The following ZNF26 variants were observed in gnomAD, a reference collection of about 807,000 sequenced individuals.
The protein encoded by ZNF26 is epididymis luminal protein 179.
In ZNF26, 32 loss-of-function variants were observed where a neutral mutation model predicts 54.9. The ratio of observed to expected loss-of-function variants is 0.58; its 90% CI spans 0.44 to 0.78. ZNF26 has a LOEUF of 0.78. Among genes scored for constraint, ZNF26 ranks in the 30% least tolerant of loss-of-function variants. ZNF26 has a pLI of 0.00. For synonymous variants in ZNF26, 221 were observed against 209.2 expected, an observed-to-expected ratio of 1.06 and a Z score of -0.49; for missense variants, 524 against 634.0, an observed-to-expected ratio of 0.83 and a Z score of 1.86.
chr12:133,012,999 A>G lies in ZNF26; in HGVS notation c.*1518A>G, dbSNP rs7977529. The G allele has an allele frequency of 0.93, 141,279 of 152,240 alleles. 65,801 individuals are homozygous for G. Among genetic ancestry groups the G allele is most frequent in the East Asian group, 1 (5,179 of 5,190 alleles). 9.4% of individuals were successfully genotyped at this position (152,240 alleles called of 1,614,324 possible). On this transcript the variant is annotated 3_prime_UTR_variant, in exon 4 of 4. Transcript: ENST00000328654. Reference sequence around the variant, plus strand: ...TTGTTTTTCCTGAGACAAGAAAATCACATTCTTGTTTATATTTGAAGATAG... The same window carrying G: ...TTGTTTTTCCTGAGACAAGAAAATCGCATTCTTGTTTATATTTGAAGATAG...
chr12:133,010,747 G>A lies in ZNF26; in HGVS notation c.868G>A (p.Glu290Lys), dbSNP rs1295379790. Reference protein sequence around the residue: ...HTGVKPYECSECGKAFSLKSP... With the variant: ...HTGVKPYECSKCGKAFSLKSP... ...AGGAGTGAAACCGTATGAATGCAGCGAATGTGGGAAAGCCTTTAGTTTGAA... is the reference window on the plus strand; with the variant it reads ...AGGAGTGAAACCGTATGAATGCAGCAAATGTGGGAAAGCCTTTAGTTTGAA... The change falls in exon 4 of 4, where the codon GAA becomes AAA. Residue 290 changes from glutamate to lysine, a missense_variant. Glu to Lys is a moderately conservative substitution (Grantham distance 56). Transcript: ENST00000328654. 2.2e-5 allele frequency: 35 copies of A among 1,613,542 alleles called. No individual in the cohort carries two copies. The highest frequency in any genetic ancestry group is 1.0e-4 in the Admixed American group (6 of 59,980).
At position 133,011,247 on chromosome 12, in the gene ZNF26, C is replaced by T; in HGVS notation, c.1368C>T (p.Cys456=). The T allele has an allele frequency of 1.9e-6, 3 of 1,614,016 alleles. No homozygotes were observed. Among genetic ancestry groups the T allele is most frequent in the African/African-American group, 1.3e-5 (1 of 75,016 alleles). Residue 456 remains cysteine, a synonymous_variant, in exon 4 of 4, where the codon TGC becomes TGT. Coordinates refer to ENST00000328654, the MANE Select transcript of ZNF26 (RefSeq NM_019591.4). ...ATTCAACTGAGAAGCCCTATGAATG[C>T]AATGAATGTGAAAAAGCCTACCCTA... ...RTHSTEKPYE[C]NECEKAYPRK...
rs1953669798 is a variant in ZNF26, at chr12:133,023,674, A to G, written c.*12193A>G. 1 of 152,210 alleles carries G rather than the reference A, an allele frequency of 6.6e-6. No homozygotes were observed. 9.4% of individuals were successfully genotyped at this position (152,210 alleles called of 1,614,324 possible). Reference sequence around the variant, plus strand: ...TAGCTTCCATCTCATCTCCTCTTCTACAGTGTGATCTTGCCACTCCTCCCA... The same window carrying G: ...TAGCTTCCATCTCATCTCCTCTTCTGCAGTGTGATCTTGCCACTCCTCCCA... On this transcript the variant is annotated 3_prime_UTR_variant, in exon 4 of 4. Coordinates refer to ENST00000328654, the MANE Select transcript of ZNF26 (RefSeq NM_019591.4).
chr12:132,990,068 T>C (rs1952914283), intron 1 of ZNF26, among the ~76,000 whole-genome samples: 1 of 152,032 alleles, frequency 6.6e-6, no homozygotes, highest in South Asian at 2.1e-4. Flanking sequence ...AGGATAGCTT[T>C]AGCCTAGGAA....
At position 133,010,530 on chromosome 12, in the gene ZNF26, T is replaced by A. The variant is rs1454736370; in HGVS notation, c.651T>A (p.Leu217=). The change falls in exon 4 of 4, where the codon CTT becomes CTA. Residue 217 remains leucine (L), a synonymous_variant. Transcript: ENST00000328654. The part of the protein sequence containing the change: ...CERAFSAKSN[L]NAHQRVHTGE... ...GAGCCTTCAGTGCCAAGTCAAACCT[T>A]AATGCTCATCAGAGAGTTCATACAG... 5.0e-6 allele frequency: 8 copies of A among 1,614,008 alleles called. No homozygotes were observed. Among genetic ancestry groups the A allele is most frequent in the Non-Finnish European group, 6.8e-6 (8 of 1,180,026 alleles).
chr12:133,022,262 A>G lies in ZNF26; in HGVS notation c.*10781A>G, dbSNP rs1274942751. 6.6e-6 allele frequency: 1 copy of G among 152,208 alleles called. No individual in the cohort carries two copies. The highest frequency in any genetic ancestry group is 1.5e-5 in the Non-Finnish European group (1 of 68,032). 9.4% of individuals were successfully genotyped at this position (152,208 alleles called of 1,614,324 possible). On this transcript the variant is annotated 3_prime_UTR_variant, in exon 4 of 4. Coordinates refer to ENST00000328654, the MANE Select transcript of ZNF26 (RefSeq NM_019591.4). The stretch of plus-strand genomic sequence containing the variant: ...TTAAAAAGAAAAACTGAATTTTGCA[A>G]AATTATTGGATGTCAGTATATTCAA...
In ZNF26 at chr12:133,019,383, A is replaced by T. The variant is rs1437286363; in HGVS notation, c.*7902A>T. ...ACAAAAAAAAAACCCCAAACTCCAG[A>T]TATTCCAATTATAAAGTAGGCAAAA... On this transcript the variant is annotated 3_prime_UTR_variant, in exon 4 of 4. Transcript: ENST00000328654. The T allele has an allele frequency of 1.3e-5, 2 of 152,116 alleles. No homozygotes were observed. Among genetic ancestry groups the T allele is most frequent in the African/African-American group, 2.4e-5 (1 of 41,412 alleles). 9.4% of individuals were successfully genotyped at this position (152,116 alleles called of 1,614,324 possible). A position where few individuals can be genotyped will look rare whatever the true frequency, so the allele number is the denominator to read the frequency against.
Position 133,005,428 on chromosome 12 carries a change from C to T in ZNF26, c.34-1614C>T, listed in dbSNP as rs901936666. The T allele has an allele frequency of 3.9e-5, 6 of 152,298 alleles. No homozygotes were observed. The East Asian group carries it at 1.2e-3, about 29-fold the overall frequency. 9.4% of individuals were successfully genotyped at this position (152,298 alleles called of 1,614,324 possible). A position where few individuals can be genotyped will look rare whatever the true frequency, so the allele number is the denominator to read the frequency against. On this transcript the variant is annotated intron_variant, in intron 1 of 3. Coordinates refer to ENST00000328654, the MANE Select transcript of ZNF26 (RefSeq NM_019591.4). ...GTGTTGGTCAGGCTGGTCTTGAACT[C>T]CTGACCTTGTGATCCGCTTCCCTCG...
chr12:132,992,143 A>T (rs1382506319), intron 1 of ZNF26, among the ~76,000 whole-genome samples: 1 of 151,770 alleles, frequency 6.6e-6, no homozygotes, highest in East Asian at 1.9e-4. Context: ...GTAAGACCCT[A>T]TCTCAAAAAA....
At chr12:133,002,623 GTTTT>G (rs1294154414) in intron 1 of ZNF26, among the ~76,000 whole-genome samples, 2 of 150,802 alleles carry the variant, frequency 1.3e-5, no homozygotes, top group South Asian at 4.2e-4. Flanking sequence ...TTTTTTGTTT[GTTTT>G]TTGTTTTTTT....
At chr12:132,991,860 A>G (rs1371789868) in intron 1 of ZNF26, among the ~76,000 whole-genome samples, 5 of 151,850 alleles carry the variant, frequency 3.3e-5, no homozygotes, top group Admixed American at 1.3e-4. Context: ...TAAAATATAT[A>G]TCTGTGGCCG....
chr12:133,009,286 A>T (rs772748896), intron 3 of ZNF26, among the ~76,000 whole-genome samples: 507 of 152,250 alleles, frequency 3.3e-3, no homozygotes, highest in Non-Finnish European at 5.2e-3. Context: ...CAGAAGATTG[A>T]GATTTTCTGT....
Position 133,010,593 on chromosome 12 carries a change from C to T in ZNF26, c.714C>T (p.Val238=). ...KPYSCSECEK[V]FSFRSQLIVH... is the part of the protein sequence containing the mutation. ...ACTCATGTAGTGAGTGCGAGAAGGT[C>T]TTCTCTTTCAGGTCACAGCTCATTG... is the stretch of plus-strand genomic sequence containing the variant. Residue 238 remains valine, a synonymous_variant, in exon 4 of 4, where the codon GTC becomes GTT. Transcript: ENST00000328654. 6.2e-7 allele frequency: 1 copy of T among 1,614,120 alleles called. No homozygotes were observed. The highest frequency in any genetic ancestry group is 8.5e-7 in the Non-Finnish European group (1 of 1,180,016).
At position 133,011,575 on chromosome 12, in the gene ZNF26, C is replaced by A. The variant is rs1429205125; in HGVS notation, c.*94C>A. The A allele has an allele frequency of 3.8e-6, 5 of 1,318,930 alleles. No individual in the cohort carries two copies. The Admixed American group carries it at 1.4e-4, about 37-fold the overall frequency. 81.7% of individuals were successfully genotyped at this position (1,318,930 alleles called of 1,614,324 possible). On this transcript the variant is annotated 3_prime_UTR_variant, in exon 4 of 4. Transcript: ENST00000328654. The stretch of plus-strand genomic sequence containing the variant: ...AAGCAGGAGGCCCTAAAATTACACT[C>A]ATGTCAAAAATCAGAGAGGAGAGAG...
chr12:132,999,399 C>T (rs966045427), intron 1 of ZNF26, among the ~76,000 whole-genome samples: 23 of 151,324 alleles, frequency 1.5e-4, no homozygotes, highest in East Asian at 1.0e-3. Flanking sequence ...GGGATACAGG[C>T]GCCCACCACC....
At chr12:132,990,892 T>C (rs1399675586) in intron 1 of ZNF26, among the ~76,000 whole-genome samples, 1 of 152,004 alleles carries the variant, frequency 6.6e-6, no homozygotes, top group African/African-American at 2.4e-5. Context: ...AGAGTCTCAC[T>C]CTGTCACCCA....
At chr12:132,999,977 TTC>T (rs1331390134) in intron 1 of ZNF26, among the ~76,000 whole-genome samples, 33 of 152,184 alleles carry the variant, frequency 2.2e-4, no homozygotes, top group Middle Eastern at 6.8e-3. Flanking sequence ...GCCTCCTAGG[TTC>T]TCTTTTTGTG....
chr12:133,007,529 C>G lies in ZNF26; in HGVS notation c.253C>G (p.Pro85Ala). Residue 85 changes from proline to alanine, a missense_variant, in exon 3 of 4, where the codon CCA (proline) becomes GCA (alanine). Transcript: ENST00000328654. Reference protein sequence around the residue: ...INAKISRQSCPDGWEEWYQNN... With the variant: ...INAKISRQSCADGWEEWYQNN... ...TGCCAAAATTTCCAGGCAGAGCTGT[C>G]CAGGTGGGTGAGTGAGAAAGAGGAA... 3.7e-6 allele frequency: 6 copies of G among 1,611,002 alleles called. No homozygotes were observed. Among genetic ancestry groups the G allele is most frequent in the African/African-American group, 1.3e-5 (1 of 74,958 alleles).
intron 1 of ZNF26, among the ~76,000 whole-genome samples, chr12:132,998,838 C>G (rs1953147982): frequency 1.3e-5 from 2 of 152,164 alleles, no homozygotes; most frequent in African/African-American, 4.8e-5. Flanking sequence ...AAAACAGATT[C>G]TTGCTGAACT....
Sources: allele counts gnomAD v4.1 joint callset (sites outside exome capture counted in the v4.1 genomes callset), GRCh38; gene constraint gnomAD v4.1.1; transcripts MANE v1.5; gene names NCBI Gene and HGNC (gene_info 2026-07-23, HGNC 2026-07-21).